The following SLC24A3 variants were observed in gnomAD, a reference collection of about 807,000 sequenced individuals.
The protein encoded by SLC24A3 is sodium/potassium/calcium exchanger 3.
Under a neutral mutation model 75.8 loss-of-function variants are expected in SLC24A3, and 28 were observed. The ratio of observed to expected loss-of-function variants is 0.37; its 90% CI spans 0.27 to 0.51. The LOEUF (loss-of-function observed/expected upper bound fraction) is 0.51. Ranked by LOEUF, SLC24A3 falls within the 20% of genes least tolerant of loss-of-function variation. The probability of loss-of-function intolerance (pLI) is 0.94; values close to 1 mark genes in which losing one functional copy is unlikely to be tolerated. For synonymous variants in SLC24A3, 372 were observed against 334.1 expected (o/e 1.11, Z -1.24); for missense variants, 663 against 847.8 (o/e 0.78, Z 2.71).
In SLC24A3 at chr20:19,667,409, CT is replaced by C. The variant is rs1469082769; in HGVS notation, c.713+1521del. Among the ~76,000 whole-genome samples the C allele has an allele frequency of 8.5e-5, 13 of 152,308 alleles. No individual in the cohort carries two copies. In the South Asian group the frequency reaches 1.0e-3, roughly 12 times the overall value. Reference sequence around the variant, plus strand: ...ATGGAGTGAGGGGCATTTTTCCCCCCTGTCCTTGGGGATAAAGTGCAGCACA... The same window carrying C: ...ATGGAGTGAGGGGCATTTTTCCCCCCGTCCTTGGGGATAAAGTGCAGCACA... On this transcript the variant is annotated intron_variant, in intron 8 of 16. Coordinates refer to ENST00000328041, the MANE Select transcript of SLC24A3 (RefSeq NM_020689.4).
intron 2 of SLC24A3, among the ~76,000 whole-genome samples, chr20:19,386,384 T>C (rs1986273475): frequency 1.3e-5 from 2 of 152,202 alleles, no homozygotes; most frequent in Admixed American, 1.3e-4. Context: ...ATTTAACTTC[T>C]TCTTTTTCAA....
At chr20:19,617,907 C>G (rs2031756281) in intron 6 of SLC24A3, among the ~76,000 whole-genome samples, 1 of 152,194 alleles carries the variant, frequency 6.6e-6, no homozygotes, top group South Asian at 2.1e-4. Flanking sequence ...TGATCTCCAA[C>G]TTCCAAGCCA....
rs73902324 is a variant in SLC24A3, at chr20:19,355,392, G to A, written c.271+74305G>A. Among the ~76,000 whole-genome samples the A allele has an allele frequency of 2.6e-3, 401 of 152,270 alleles. 3 individuals carry two copies. The highest frequency in any genetic ancestry group is 9.4e-3 in the African/African-American group (390 of 41,556). On this transcript the variant is annotated intron_variant, in intron 2 of 16. Transcript: ENST00000328041. ...ACAGGATAAGAAGGATGACACATTC[G>A]AAAATAAGTGATCTTAATTCCTGGG...
At chr20:19,574,759 G>A (rs1321004274) in intron 3 of SLC24A3, among the ~76,000 whole-genome samples, 2 of 152,216 alleles carry the variant, frequency 1.3e-5, no homozygotes, top group Non-Finnish European at 2.9e-5. Flanking sequence ...GCACTAGGGA[G>A]CATGCTGTGA....
chr20:19,653,478 A>G (rs2032230173), intron 6 of SLC24A3, among the ~76,000 whole-genome samples: 1 of 152,228 alleles, frequency 6.6e-6, no homozygotes, highest in African/African-American at 2.4e-5. Flanking sequence ...TCTGGCAGAG[A>G]CAGGCTTGTC....
At chr20:19,376,750 G>C (rs564233105) in intron 2 of SLC24A3, among the ~76,000 whole-genome samples, 16 of 152,036 alleles carry the variant, frequency 1.1e-4, no homozygotes, top group Admixed American at 2.0e-4. Flanking sequence ...TGATCCAGTA[G>C]CGTTCACGGC....
chr20:19,251,309 G>A (rs1413056757), intron 1 of SLC24A3, among the ~76,000 whole-genome samples: 1 of 152,170 alleles, frequency 6.6e-6, no homozygotes, highest in Non-Finnish European at 1.5e-5. Flanking sequence ...CTACATTAGG[G>A]ATAGTAAGAG....
chr20:19,452,238 G>A (rs1252805847), intron 2 of SLC24A3, among the ~76,000 whole-genome samples: 5 of 152,206 alleles, frequency 3.3e-5, no homozygotes, highest in African/African-American at 1.2e-4. Context: ...TTACCAAGGG[G>A]GAGAGGTTAG....
intron 7 of SLC24A3, among the ~76,000 whole-genome samples, chr20:19,657,979 C>T (rs1027559295): frequency 1.3e-5 from 2 of 152,180 alleles, no homozygotes; most frequent in African/African-American, 4.8e-5. Flanking sequence ...ATGCATTCAA[C>T]TCTTCGGGTT....
intron 2 of SLC24A3, among the ~76,000 whole-genome samples, chr20:19,382,043 G>A (rs529639662): frequency 2.0e-5 from 3 of 152,276 alleles, no homozygotes; most frequent in East Asian, 1.9e-4. Context: ...CTCTGCCACC[G>A]GCATCCTTTC....
chr20:19,432,067 C>G (rs906968181), intron 2 of SLC24A3, among the ~76,000 whole-genome samples: 3 of 152,136 alleles, frequency 2.0e-5, no homozygotes, highest in African/African-American at 7.2e-5. Flanking sequence ...TACCTGAATT[C>G]TCTCAGCATC....
intron 9 of SLC24A3, among the ~76,000 whole-genome samples, chr20:19,678,196 C>T (rs1380723559): frequency 4.6e-5 from 7 of 150,848 alleles, no homozygotes; most frequent in African/African-American, 1.7e-4. Context: ...CATTGTCATC[C>T]TGGCCCGTTC....
rs139790412 is a variant in SLC24A3 at position 19,457,643 on chromosome 20, C to T, written c.272-57845C>T. 4.8e-3 allele frequency among the ~76,000 whole-genome samples: 732 copies of T among 152,230 alleles called. 6 individuals are homozygous for T. Among genetic ancestry groups the T allele is most frequent in the Non-Finnish European group, 8.4e-3 (574 of 68,028 alleles). On this transcript the variant is annotated intron_variant, in intron 2 of 16. Transcript: ENST00000328041. Reference sequence around the variant, plus strand: ...CCTTAAAACTGGATCTCTGGGCTGTCTTATGAAGCCAAGCAAATCCTGTAC... The same window carrying T: ...CCTTAAAACTGGATCTCTGGGCTGTTTTATGAAGCCAAGCAAATCCTGTAC...
chr20:19,689,197 AT>A (rs2032716884), intron 12 of SLC24A3, among the ~76,000 whole-genome samples: 1 of 152,166 alleles, frequency 6.6e-6, no homozygotes, highest in Non-Finnish European at 1.5e-5. Context: ...TTTTTTCTGT[AT>A]TTTTTACTTT....
At chr20:19,291,524 A>G (rs758642984) in intron 2 of SLC24A3, among the ~76,000 whole-genome samples, 1 of 152,214 alleles carries the variant, frequency 6.6e-6, no homozygotes, top group Non-Finnish European at 1.5e-5. Context: ...GAGTAAGTTT[A>G]AATAGGTACA....
intron 6 of SLC24A3, among the ~76,000 whole-genome samples, chr20:19,636,403 A>G (rs1463529509): frequency 6.6e-6 from 1 of 152,166 alleles, no homozygotes; most frequent in Non-Finnish European, 1.5e-5. Flanking sequence ...TGGCTTTCCC[A>G]AGACAGTACC....
At chr20:19,498,407 C>T (rs984064115) in intron 2 of SLC24A3, among the ~76,000 whole-genome samples, 3 of 152,128 alleles carry the variant, frequency 2.0e-5, no homozygotes, top group Non-Finnish European at 4.4e-5. Context: ...AGAGCCACAA[C>T]CTCATTCAAA....
chr20:19,391,576 A>G (rs1256732788), intron 2 of SLC24A3, among the ~76,000 whole-genome samples: 1 of 152,218 alleles, frequency 6.6e-6, no homozygotes, highest in East Asian at 1.9e-4. Context: ...TTCCTGAATC[A>G]GAACCTCTGG....
chr20:19,537,423 T>C (rs1171592329), intron 3 of SLC24A3, among the ~76,000 whole-genome samples: 1 of 152,176 alleles, frequency 6.6e-6, no homozygotes, highest in African/African-American at 2.4e-5. Context: ...TTTTACACTG[T>C]TGGTGGGACT....
Sources: allele counts gnomAD v4.1 joint callset (sites outside exome capture counted in the v4.1 genomes callset), GRCh38; gene constraint gnomAD v4.1.1; transcripts MANE v1.5; gene names NCBI Gene and HGNC (gene_info 2026-07-23, HGNC 2026-07-21).